RGS12: variants seen among roughly 807,000 people sequenced by gnomAD.
RGS12 encodes regulator of G protein signaling 12, also known as regulator of G-protein signaling 12.
Under a neutral mutation model 120.1 loss-of-function variants are expected in RGS12, and 66 were observed. The observed-to-expected ratio is 0.55, with a 90% CI of 0.45 to 0.67. RGS12 has a LOEUF of 0.67. RGS12 is among the 30% of genes least tolerant of loss of function. The probability of loss-of-function intolerance (pLI) is 0.00; values close to 1 mark genes in which losing one functional copy is unlikely to be tolerated. For synonymous variants in RGS12, 827 were observed against 804.7 expected (o/e 1.03, Z -0.47); for missense variants, 1,859 against 1,957.7 (o/e 0.95, Z 0.95).
At chr4:3,318,854 G>A (rs1010494725) in intron 2 of RGS12, among the ~76,000 whole-genome samples, 1 of 152,240 alleles carries the variant, frequency 6.6e-6, no homozygotes, top group Non-Finnish European at 1.5e-5. Context: ...TGCCGTGTGG[G>A]GCTGTGCTGT....
intron 2 of RGS12, among the ~76,000 whole-genome samples, chr4:3,318,379 C>T (rs964365136): frequency 6.6e-6 from 1 of 152,202 alleles, no homozygotes; most frequent in African/African-American, 2.4e-5. Context: ...CCCCTTCCTG[C>T]TCCTCCCTAG....
chr4:3,439,495 AATC>A lies in RGS12; in HGVS notation c.4159_4161del (p.Ile1387del). On this transcript the variant is annotated inframe_deletion, in exon 18 of 18. Coordinates refer to ENST00000336727, the MANE Select transcript of RGS12 (RefSeq NM_001394154.1). ...GCAGCCGAGACCTCCCAGTCAACAG[AATC>A]ATCGATGTGGATCTTGTAACTGGCT... 1 of 1,612,778 alleles carries A rather than the reference AATC, an allele frequency of 6.2e-7. No individual in the cohort carries two copies. The highest frequency in any genetic ancestry group is 8.5e-7 in the Non-Finnish European group (1 of 1,179,894).
rs989665843 is a variant in RGS12, at chr4:3,365,952, G to A, written c.1999-20464G>A. Reference sequence around the variant, plus strand: ...TTATTTTGGCTCTGGGGAGGCAGTGGGGAACATGCTCAGTGTTGACCCCTC... The same window carrying A: ...TTATTTTGGCTCTGGGGAGGCAGTGAGGAACATGCTCAGTGTTGACCCCTC... On this transcript the variant is annotated intron_variant, in intron 3 of 17. Coordinates refer to ENST00000336727, the MANE Select transcript of RGS12 (RefSeq NM_001394154.1). This position sits in a 1 kb window ranked among gnomAD's most constrained non-coding sequence, Gnocchi z 4.0. Among the ~76,000 whole-genome samples, 8 of 152,272 alleles carry A rather than the reference G, an allele frequency of 5.3e-5. No individual in the cohort carries two copies. The highest frequency in any genetic ancestry group is 3.4e-3 in the Middle Eastern group (1 of 294).
At chr4:3,336,474 T>G (rs1424758819) in intron 2 of RGS12, among the ~76,000 whole-genome samples, 2 of 152,230 alleles carry the variant, frequency 1.3e-5, no homozygotes, top group Non-Finnish European at 1.5e-5. Context: ...TTTTTGGAAA[T>G]ACCTTCGGAT....
At chr4:3,381,441 G>A (rs1310179093) in intron 3 of RGS12, among the ~76,000 whole-genome samples, 1 of 152,194 alleles carries the variant, frequency 6.6e-6, no homozygotes, top group Non-Finnish European at 1.5e-5. Context: ...CTGCTGTGAA[G>A]AAATACCTGG....
chr4:3,341,126 G>C (rs1489153569), intron 2 of RGS12, among the ~76,000 whole-genome samples: 1 of 149,950 alleles, frequency 6.7e-6, no homozygotes, highest in Non-Finnish European at 1.5e-5. Flanking sequence ...CCTCTCACCT[G>C]CCAAGAGGAT....
At chr4:3,325,572 G>A (rs1725502125) in intron 2 of RGS12, among the ~76,000 whole-genome samples, 1 of 152,154 alleles carries the variant, frequency 6.6e-6, no homozygotes, top group Non-Finnish European at 1.5e-5. Flanking sequence ...ACAAAGAAAA[G>A]TCCAGGGCAA....
chr4:3,423,872 T>C (rs1723311573), intron 13 of RGS12: 2 of 507,888 alleles, frequency 3.9e-6, no homozygotes, highest in African/African-American at 1.9e-5. Context: ...GAATTGATAT[T>C]TGAGAGGTGG....
chr4:3,303,270 C>T (rs1049708281), intron 1 of RGS12, among the ~76,000 whole-genome samples: 5 of 152,118 alleles, frequency 3.3e-5, no homozygotes, highest in Admixed American at 2.6e-4. Flanking sequence ...TGGGGTACAG[C>T]GGGGAGTCCA....
In RGS12 at chr4:3,369,456, C is replaced by T. The variant is rs561641397; in HGVS notation, c.1999-16960C>T. ...GAGCCATGGACCTAGCCTGGTGGCCCTGTGGGCATTGAGTTTGCAGTTCCT... is the reference window on the plus strand; with the variant it reads ...GAGCCATGGACCTAGCCTGGTGGCCTTGTGGGCATTGAGTTTGCAGTTCCT... On this transcript the variant is annotated intron_variant, in intron 3 of 17. Coordinates refer to ENST00000336727, the MANE Select transcript of RGS12 (RefSeq NM_001394154.1). 2.0e-5 allele frequency among the ~76,000 whole-genome samples: 3 copies of T among 152,280 alleles called. No homozygotes were observed. In the South Asian group the frequency reaches 6.2e-4, roughly 32 times the overall value.
At chr4:3,422,742 A>G (rs953724128) in intron 11 of RGS12, among the ~76,000 whole-genome samples, 163 bp from the exon 12 acceptor site, 3 of 152,198 alleles carry the variant, frequency 2.0e-5, no homozygotes, top group African/African-American at 4.8e-5. Flanking sequence ...AGCACTTTGC[A>G]CGTGGGTGCT....
intron 3 of RGS12, among the ~76,000 whole-genome samples, chr4:3,379,534 G>A (rs935936870): frequency 1.5e-4 from 23 of 152,182 alleles, no homozygotes; most frequent in Admixed American, 1.2e-3. Context: ...GTCTGTTCTC[G>A]TGCTGCTATG....
rs1016766033 is a variant in RGS12 at position 3,433,253 on chromosome 4, G to A, written c.4114+2298G>A. 6.6e-6 allele frequency among the ~76,000 whole-genome samples: 1 copy of A among 152,206 alleles called. No homozygotes were observed. Among genetic ancestry groups the A allele is most frequent in the Non-Finnish European group, 1.5e-5 (1 of 68,022 alleles). The stretch of plus-strand genomic sequence containing the variant: ...TCCTCACAATGTGGCAGCCGCCCTG[G>A]ACCCAGCGTCCGGGGTGAGAAACAC... On this transcript the variant is annotated intron_variant, in intron 17 of 17. Transcript: ENST00000336727. This position sits in a 1 kb window ranked among gnomAD's most constrained non-coding sequence, Gnocchi z 4.4.
At chr4:3,399,313 G>A (rs999517707) in intron 4 of RGS12, among the ~76,000 whole-genome samples, 5 of 152,114 alleles carry the variant, frequency 3.3e-5, no homozygotes, top group Non-Finnish European at 5.9e-5. Context: ...ACAACTAAAA[G>A]TATGAACAAA....
intron 14 of RGS12, among the ~76,000 whole-genome samples, chr4:3,427,329 G>A (rs376038345): frequency 2.6e-5 from 4 of 152,346 alleles, no homozygotes; most frequent in East Asian, 3.9e-4. Context: ...GGCTGTATGT[G>A]GGGCAGGAGC....
intron 2 of RGS12, among the ~76,000 whole-genome samples, chr4:3,327,880 A>G (rs562460497): frequency 6.6e-6 from 1 of 152,346 alleles, no homozygotes; most frequent in South Asian, 2.1e-4. Context: ...CAATCCTACT[A>G]CTGGGTATCT....
intron 1 of RGS12, among the ~76,000 whole-genome samples, chr4:3,299,313 C>G (rs1330544927): frequency 6.6e-6 from 1 of 152,130 alleles, no homozygotes; most frequent in Non-Finnish European, 1.5e-5. Flanking sequence ...CCTCACTGTT[C>G]AGCCACCCAG....
chr4:3,428,353 T>C (rs764098131), intron 15 of RGS12, 184 bp downstream of exon 15: 111 of 784,954 alleles, frequency 1.4e-4, no homozygotes, highest in Non-Finnish European at 2.1e-4. Context: ...AAGGACTGGC[T>C]TTCTTTTCTT....
intron 17 of RGS12, chr4:3,431,399 G>C: frequency 9.9e-7 from 1 of 1,007,820 alleles, no homozygotes; most frequent in Non-Finnish European, 1.2e-6. Flanking sequence ...TTCATAGCAG[G>C]AGAGGGCTCC....
Sources: allele counts gnomAD v4.1 joint callset (sites outside exome capture counted in the v4.1 genomes callset), GRCh38; gene constraint gnomAD v4.1.1; non-coding constraint Gnocchi (gnomAD v3.1); transcripts MANE v1.5; gene names NCBI Gene and HGNC (gene_info 2026-07-23, HGNC 2026-07-21).